Variants in SATB1 observed in about 807,000 individuals in gnomAD.
The protein encoded by SATB1 is DNA-binding protein SATB1.
Under a neutral mutation model 86.9 loss-of-function variants are expected in SATB1, and 11 were observed. The observed-to-expected ratio is 0.13, with a 90% CI of 0.08 to 0.21. The LOEUF (loss-of-function observed/expected upper bound fraction) is 0.21. Ranked by LOEUF, SATB1 falls within the 10% of genes least tolerant of loss-of-function variation. The pLI, the probability that SATB1 is intolerant of heterozygous loss-of-function variation, is 1.00. For synonymous variants in SATB1, 357 were observed against 357.2 expected, an observed-to-expected ratio of 1.00 and a Z score of 0.01; for missense variants, 551 against 937.6, an observed-to-expected ratio of 0.59 and a Z score of 5.39.
intron 2 of SATB1, chr3:18,417,606 C>A (rs1698183217): frequency 1.5e-6 from 1 of 675,578 alleles, no homozygotes; most frequent in African/African-American, 1.8e-5. Flanking sequence ...ACTGGTTCCA[C>A]AAATCATTTT....
chr3:18,393,695 T>C (rs1426426830), intron 7 of SATB1, among the ~76,000 whole-genome samples: 1 of 152,210 alleles, frequency 6.6e-6, no homozygotes, highest in African/African-American at 2.4e-5. Flanking sequence ...GTTTTATAAA[T>C]AGTTTTACTG....
intron 5 of SATB1, among the ~76,000 whole-genome samples, chr3:18,405,410 AAAAAC>A (rs1438208963): frequency 5.9e-5 from 9 of 152,112 alleles, no homozygotes; most frequent in East Asian, 1.9e-4. Flanking sequence ...AGCCTTTTAA[AAAAAC>A]AAAACAAAAC....
chr3:18,384,383 T>C (rs529749308), intron 8 of SATB1, among the ~76,000 whole-genome samples: 2 of 150,274 alleles, frequency 1.3e-5, no homozygotes, highest in African/African-American at 4.9e-5. Flanking sequence ...GGAAAATAAA[T>C]AAAACCAGAG....
Position 18,424,323 on chromosome 3 carries a change from A to ACCCCCCCCC in SATB1, c.-722_-721insGGGGGGGGG, listed in dbSNP as rs138686151. ...CCTCGCCTCCCTTCCAATCACCCCC[A>ACCCCCCCCC]CCCCCCTCGCCAACAATCGCGACTA... On this transcript the variant is annotated 5_prime_UTR_variant, in exon 1 of 11. Transcript: ENST00000338745. 4 of 147,604 alleles carry ACCCCCCCCC rather than the reference A, an allele frequency of 2.7e-5. No individual in the cohort carries two copies. Among genetic ancestry groups the ACCCCCCCCC allele is most frequent in the South Asian group, 2.2e-4 (1 of 4,572 alleles). 9.1% of individuals were successfully genotyped at this position (147,604 alleles called of 1,614,324 possible). A position where few individuals can be genotyped will look rare whatever the true frequency, so the allele number is the denominator to read the frequency against.
chr3:18,360,572 C>T (rs1250170067), intron 9 of SATB1, among the ~76,000 whole-genome samples: 3 of 151,816 alleles, frequency 2.0e-5, no homozygotes, highest in Non-Finnish European at 2.9e-5. Context: ...TTTCAAGACA[C>T]GCTCAAGCAC....
At chr3:18,412,987 T>C (rs189782092) in intron 5 of SATB1, among the ~76,000 whole-genome samples, 47 of 152,202 alleles carry the variant, frequency 3.1e-4, no homozygotes, top group African/African-American at 9.9e-4. Flanking sequence ...ACTCCTAAAC[T>C]ATGCATAATT....
intron 9 of SATB1, among the ~76,000 whole-genome samples, chr3:18,361,272 C>T (rs1694893483): frequency 6.6e-6 from 1 of 152,086 alleles, no homozygotes; most frequent in South Asian, 2.1e-4. Flanking sequence ...TTCGCTAAAC[C>T]TCAATTTTCT....
At position 18,387,607 on chromosome 3, in the gene SATB1, T is replaced by C. The variant is rs149230703; in HGVS notation, c.1207-996A>G. Among the ~76,000 whole-genome samples, 3 of 152,332 alleles carry C rather than the reference T, an allele frequency of 2.0e-5. No homozygotes were observed. The East Asian group carries it at 5.8e-4, about 29-fold the overall frequency. Reference sequence around the variant, plus strand: ...AAAGAATTGGAAAATTTTCTGTTCATTTTATAAGGGCTAAGCAGCTCTTCT... The same window carrying C: ...AAAGAATTGGAAAATTTTCTGTTCACTTTATAAGGGCTAAGCAGCTCTTCT... On this transcript the variant is annotated intron_variant, in intron 7 of 10. Coordinates refer to ENST00000338745, the MANE Select transcript of SATB1 (RefSeq NM_002971.6).
chr3:18,415,323 C>A, intron 4 of SATB1, 89 bp from the exon 5 acceptor site: 1 of 1,483,916 alleles, frequency 6.7e-7, no homozygotes, highest in East Asian at 2.3e-5. Flanking sequence ...TTTCATTTTG[C>A]GCATCAAACA....
intron 1 of SATB1, among the ~76,000 whole-genome samples, chr3:18,421,722 A>G (rs1698407271): frequency 6.6e-6 from 1 of 152,118 alleles, no homozygotes; most frequent in Non-Finnish European, 1.5e-5. Context: ...ATTAAAACTC[A>G]TGTGTTTTAG....
intron 2 of SATB1, chr3:18,417,478 C>T (rs1698176150): frequency 5.1e-6 from 3 of 588,926 alleles, no homozygotes; most frequent in Admixed American, 3.2e-5. Flanking sequence ...CAGAAGAACC[C>T]ACCTTTCTAC....
At chr3:18,408,812 G>A (rs532432253) in intron 5 of SATB1, 1 of 152,006 alleles carries the variant, frequency 6.6e-6, no homozygotes, top group East Asian at 1.9e-4. Flanking sequence ...AAAAAAAGAT[G>A]TCTAAAATAT....
At chr3:18,377,185 T>C (rs937913324) in intron 9 of SATB1, among the ~76,000 whole-genome samples, 3 of 152,204 alleles carry the variant, frequency 2.0e-5, no homozygotes, top group Admixed American at 6.5e-5. Flanking sequence ...ACTCCCACAA[T>C]TGTGTATTTC....
intron 9 of SATB1, among the ~76,000 whole-genome samples, chr3:18,372,965 AGCAGACTGCTGAGAT>A (rs1431313340): frequency 6.6e-6 from 1 of 152,228 alleles, no homozygotes; most frequent in Non-Finnish European, 1.5e-5. Flanking sequence ...ACTTAACACC[AGCAGACTGCTGAGAT>A]GCAGGGACCA....
In SATB1 at chr3:18,425,174, G is replaced by T; in HGVS notation, c.-1572C>A. 1 of 176,168 alleles carries T rather than the reference G, an allele frequency of 5.7e-6. No individual in the cohort carries two copies. The highest frequency in any genetic ancestry group is 1.2e-5 in the Non-Finnish European group (1 of 85,616). The allele number at this position is 176,168 out of a possible 1,614,324, so 10.9% of individuals were successfully genotyped here. A position where few individuals can be genotyped will look rare whatever the true frequency, so the allele number is the denominator to read the frequency against. The stretch of plus-strand genomic sequence containing the variant: ...TGCCGCCGCCGCCGCCGCTGCCGCT[G>T]TGGGTGCCTCTTCTTCCTCCTCCTC... On this transcript the variant is annotated 5_prime_UTR_variant, in exon 1 of 11. Coordinates refer to ENST00000338745, the MANE Select transcript of SATB1 (RefSeq NM_002971.6).
intron 10 of SATB1, chr3:18,350,908 T>C: frequency 3.8e-6 from 1 of 262,676 alleles, no homozygotes; most frequent in Non-Finnish European, 7.5e-6. Context: ...AATTGCAGAA[T>C]GTAGGTGACT....
Position 18,386,504 on chromosome 3 carries a change from A to G in SATB1, c.1314T>C (p.Ala438=). The G allele has an allele frequency of 6.2e-7, 1 of 1,614,152 alleles. No homozygotes were observed. The highest frequency in any genetic ancestry group is 8.5e-7 in the Non-Finnish European group (1 of 1,180,020). Residue 438 remains alanine, a synonymous_variant, in exon 8 of 11, where the codon GCT becomes GCC. Coordinates refer to ENST00000338745, the MANE Select transcript of SATB1 (RefSeq NM_002971.6). This position sits in a 1 kb window ranked among gnomAD's most constrained non-coding sequence, Gnocchi z 4.5. ...CGTCCTGGTATATTCGGTCTCTTTC[A>G]GCTTCCGGTAACTGCAAGAAATTCT... ...AMQNFLQLPE[A]ERDRIYQDER... is the part of the protein sequence containing the mutation.
chr3:18,387,643 T>C (rs1575124539), intron 7 of SATB1, among the ~76,000 whole-genome samples: 1 of 152,212 alleles, frequency 6.6e-6, no homozygotes, highest in East Asian at 1.9e-4. Flanking sequence ...CTCTTTAATC[T>C]TGTACATGAA....
At chr3:18,431,293 C>T (rs189794520) in intron 2 of SATB1, among the ~76,000 whole-genome samples, 4 of 152,248 alleles carry the variant, frequency 2.6e-5, no homozygotes, top group African/African-American at 9.6e-5. Flanking sequence ...GCTTGATTTC[C>T]CCTTGTCAGT....
Sources: allele counts gnomAD v4.1 joint callset (sites outside exome capture counted in the v4.1 genomes callset), GRCh38; gene constraint gnomAD v4.1.1; non-coding constraint Gnocchi (gnomAD v3.1); transcripts MANE v1.5; gene names NCBI Gene and HGNC (gene_info 2026-07-23, HGNC 2026-07-21).